The following GSDMC variants were observed in gnomAD, a reference collection of about 807,000 sequenced individuals.
GSDMC encodes gasdermin C, also known as gasdermin-C.
GSDMC carries 59 observed loss-of-function variants against 58.0 expected under a neutral mutation model. The observed-to-expected ratio is 1.02, with a 90% CI of 0.82 to 1.26. The LOEUF (loss-of-function observed/expected upper bound fraction) is 1.26, where lower values mean the gene tolerates loss of function less well. GSDMC is among the 50% of genes most tolerant of loss of function. The pLI, the probability that GSDMC is intolerant of heterozygous loss-of-function variation, is 0.00. For missense variants in GSDMC, 659 were observed against 598.5 expected, an observed-to-expected ratio of 1.10 and a Z score of -1.06; for synonymous variants, 241 against 220.2, an observed-to-expected ratio of 1.09 and a Z score of -0.83.
At chr8:129,743,876 T>C (rs1563780711), downstream of GSDMC, among the ~76,000 whole-genome samples, 1 of 152,228 alleles carries the variant, frequency 6.6e-6, no homozygotes, top group South Asian at 2.1e-4. Context: ...CTGTCCATGG[T>C]AGCTGGTTGA....
At chr8:129,753,006 G>C (rs1586579222) in intron 6 of GSDMC, 186 bp from the exon 7 acceptor site, 1 of 1,132,898 alleles carries the variant, frequency 8.8e-7, no homozygotes, top group East Asian at 2.7e-5. Flanking sequence ...TTCTTGGCAA[G>C]CCTTGCAAAT....
intron 3 of GSDMC, among the ~76,000 whole-genome samples, chr8:129,768,119 C>T (rs924851218): frequency 1.3e-5 from 2 of 152,174 alleles, no homozygotes; most frequent in Admixed American, 6.5e-5. Context: ...GCCAGCAGTT[C>T]CACCTCAGAG....
chr8:129,739,725 A>G, the GSDMC span, among the ~76,000 whole-genome samples: 6 of 152,252 alleles, frequency 3.9e-5, no homozygotes, highest in Non-Finnish European at 7.3e-5. Context: ...ACAGTTATCT[A>G]TAATACAGAA....
chr8:129,740,922 C>T, the GSDMC span, among the ~76,000 whole-genome samples: 2 of 152,134 alleles, frequency 1.3e-5, no homozygotes, highest in Admixed American at 1.3e-4. Flanking sequence ...ATTGCCCAGA[C>T]CAGTGTCATG....
the GSDMC span, among the ~76,000 whole-genome samples, chr8:129,719,326 C>T: frequency 6.6e-6 from 1 of 152,108 alleles, no homozygotes; most frequent in South Asian, 2.1e-4. Flanking sequence ...GCAAACATAA[C>T]AATTCTGAAT....
At chr8:129,780,027 C>T (rs2034359634) in intron 1 of GSDMC, among the ~76,000 whole-genome samples, 1 of 151,982 alleles carries the variant, frequency 6.6e-6, no homozygotes, top group African/African-American at 2.4e-5. Context: ...ATTGATCAAA[C>T]AGAAGGAAGA....
At chr8:129,752,611 C>A in intron 7 of GSDMC, 87 bp downstream of exon 7, 1 of 1,542,930 alleles carries the variant, frequency 6.5e-7, no homozygotes. Flanking sequence ...GGTTCATACA[C>A]CCCACATAAA....
the GSDMC span, among the ~76,000 whole-genome samples, chr8:129,721,365 G>T: frequency 6.6e-6 from 1 of 152,224 alleles, no homozygotes; most frequent in East Asian, 1.9e-4. Context: ...TTTCTGTTAA[G>T]AACAGACAGC....
Position 129,748,636 on chromosome 8 carries a change from G to A in GSDMC, c.1392C>T (p.Thr464=). 9 of 1,612,502 alleles carry A rather than the reference G, an allele frequency of 5.6e-6. No homozygotes were observed. Among genetic ancestry groups the A allele is most frequent in the Non-Finnish European group, 6.8e-6 (8 of 1,179,316 alleles). The change falls in exon 14 of 14, where the codon ACC becomes ACT. Residue 464 remains threonine (T), a synonymous_variant. Transcript: ENST00000276708. ...GGCCACACTCCTCCAGCAGGCCATA[G>A]GTGATGGCCAAACCCTCACTCTGGA... ...APLQSEGLAI[T]YGLLEECGLR...
chr8:129,718,095 T>C, the GSDMC span, among the ~76,000 whole-genome samples: 39 of 152,280 alleles, frequency 2.6e-4, no homozygotes, highest in African/African-American at 9.4e-4. Context: ...GTCAATACTA[T>C]TCAAGACATA....
chr8:129,782,088 T>G (rs140586718), intron 1 of GSDMC, among the ~76,000 whole-genome samples: 2,170 of 152,188 alleles, frequency 0.014, 60 homozygotes, highest in African/African-American at 0.049. Flanking sequence ...TACAAACACA[T>G]GGAAATTAAA....
At chr8:129,760,389 G>C (rs1294952584) in intron 6 of GSDMC, among the ~76,000 whole-genome samples, 156 bp downstream of exon 6, 1 of 152,054 alleles carries the variant, frequency 6.6e-6, no homozygotes, top group Non-Finnish European at 1.5e-5. Context: ...GAACATGAAG[G>C]ATAAATGTTT....
At chr8:129,737,252 G>A in the GSDMC span, among the ~76,000 whole-genome samples, 1 of 152,040 alleles carries the variant, frequency 6.6e-6, no homozygotes. Flanking sequence ...TCCCCATCAA[G>A]CTACCAATGA....
chr8:129,754,297 T>TAA (rs1272039055), intron 6 of GSDMC, among the ~76,000 whole-genome samples: 4 of 64,948 alleles, frequency 6.2e-5, no homozygotes, highest in African/African-American at 2.1e-4. Flanking sequence ...GGTGGCTCAG[T>TAA]ACAGAGAGAG....
At chr8:129,738,013 G>C in the GSDMC span, among the ~76,000 whole-genome samples, 2 of 152,168 alleles carry the variant, frequency 1.3e-5, no homozygotes, top group African/African-American at 4.8e-5. Context: ...GATATGAACA[G>C]AAACTTCTCA....
intron 6 of GSDMC, among the ~76,000 whole-genome samples, chr8:129,756,414 A>G (rs1370627220): frequency 4.6e-5 from 7 of 152,070 alleles, no homozygotes; most frequent in Non-Finnish European, 8.8e-5. Flanking sequence ...AGAGAGAGAG[A>G]GCTAAAGAGA....
chr8:129,748,860 C>T (rs970505535), intron 13 of GSDMC, 120 bp from the exon 14 acceptor site: 50 of 720,506 alleles, frequency 6.9e-5, no homozygotes, highest in Middle Eastern at 3.7e-4. Flanking sequence ...TGGGATCCAG[C>T]GGACCAGGAG....
the GSDMC span, among the ~76,000 whole-genome samples, chr8:129,732,637 T>G: frequency 2.0e-5 from 3 of 152,210 alleles, no homozygotes; most frequent in African/African-American, 7.2e-5. Context: ...GGAAGCTCAA[T>G]GAGCTCCAGG....
intron 5 of GSDMC, among the ~76,000 whole-genome samples, chr8:129,761,411 G>A (rs2033655178): frequency 6.6e-6 from 1 of 152,062 alleles, no homozygotes; most frequent in Admixed American, 6.6e-5. Flanking sequence ...TACACACTGG[G>A]TCCTCACTTC....
Sources: allele counts gnomAD v4.1 joint callset (sites outside exome capture counted in the v4.1 genomes callset), GRCh38; gene constraint gnomAD v4.1.1; transcripts MANE v1.5; gene names NCBI Gene and HGNC (gene_info 2026-07-23, HGNC 2026-07-21).